ACAD10: variants seen among roughly 807,000 people sequenced by gnomAD.
ACAD10 encodes the protein ACAD-10.
In ACAD10, 112 loss-of-function variants were observed where a neutral mutation model predicts 116.8. The observed-to-expected ratio is 0.96, with a 90% confidence interval of 0.82 to 1.12. The LOEUF is 1.12. Among genes scored for constraint, ACAD10 ranks in the 50% most tolerant of loss-of-function variants. ACAD10 has a pLI of 0.00. For synonymous variants in ACAD10, 486 were observed against 510.6 expected (o/e 0.95, Z 0.65); for missense variants, 1,259 against 1,350.2 (o/e 0.93, Z 1.06).
chr12:111,709,982 C>T (rs1034009052), intron 5 of ACAD10: 16 of 367,200 alleles, frequency 4.4e-5, no homozygotes, highest in Non-Finnish European at 7.5e-5. Context: ...TCCAGTGATG[C>T]TGCCTTAAGT....
Position 111,756,571 on chromosome 12 carries a change from C to T in ACAD10, c.*98C>T. The T allele has an allele frequency of 2.2e-5, 33 of 1,526,186 alleles. No individual in the cohort carries two copies. Among genetic ancestry groups the T allele is most frequent in the Non-Finnish European group, 2.9e-5 (33 of 1,131,168 alleles). 94.5% of individuals were successfully genotyped at this position (1,526,186 alleles called of 1,614,324 possible). ...AAAGATCCGGTGTTTGTGGCTCCTG[C>T]ACCCTGCTCAGCAGCTCTGTCCCGG... On this transcript the variant is annotated 3_prime_UTR_variant, in exon 21 of 21. Transcript: ENST00000313698.
intron 4 of ACAD10, among the ~76,000 whole-genome samples, chr12:111,706,780 A>AT (rs1428071019): frequency 0.13 from 16,201 of 121,558 alleles, 1,029 homozygotes; most frequent in East Asian, 0.4. Flanking sequence ...ATATATATAT[A>AT]TATTTTTTTT....
chr12:111,720,436 T>C (rs1313361378), intron 7 of ACAD10, among the ~76,000 whole-genome samples: 1 of 152,244 alleles, frequency 6.6e-6, no homozygotes, highest in Admixed American at 6.5e-5. Flanking sequence ...TCTTTAATTT[T>C]GATCATTTTT....
chr12:111,742,238 T>A (rs1889764798), intron 12 of ACAD10, among the ~76,000 whole-genome samples: 1 of 152,006 alleles, frequency 6.6e-6, no homozygotes, highest in African/African-American at 2.4e-5. Flanking sequence ...TAGAAGAAAA[T>A]TAAGAATACA....
chr12:111,708,926 G>C (rs1655992134), intron 4 of ACAD10, among the ~76,000 whole-genome samples: 1 of 151,906 alleles, frequency 6.6e-6, no homozygotes, highest in Non-Finnish European at 1.5e-5. Flanking sequence ...AGCATGTCAG[G>C]AACAGTGTCA....
At chr12:111,723,760 G>A (rs1294389961) in intron 8 of ACAD10, among the ~76,000 whole-genome samples, 1 of 151,260 alleles carries the variant, frequency 6.6e-6, no homozygotes, top group Non-Finnish European at 1.5e-5. Context: ...TGGGGTGGCT[G>A]CCGGGCAGAG....
At chr12:111,746,862 A>G (rs7136739) in intron 14 of ACAD10, among the ~76,000 whole-genome samples, 187 bp from the exon 15 acceptor site, 2,389 of 152,232 alleles carry the variant, frequency 0.016, 72 homozygotes, top group African/African-American at 0.054. Flanking sequence ...ATCGGGTGTG[A>G]TGGTGCATAC....
intron 5 of ACAD10, among the ~76,000 whole-genome samples, chr12:111,712,024 C>G (rs1888699433): frequency 1.3e-5 from 2 of 152,178 alleles, no homozygotes; most frequent in South Asian, 2.1e-4. Flanking sequence ...TTGTTTTCCT[C>G]TACCTTTGCC....
At chr12:111,723,171 G>C (rs1325950173) in intron 8 of ACAD10, among the ~76,000 whole-genome samples, 2 of 144,900 alleles carry the variant, frequency 1.4e-5, no homozygotes, top group African/African-American at 5.1e-5. Flanking sequence ...CTCCCGGACG[G>C]GGCGGCTGGC....
rs150842934 is a variant in ACAD10 at position 111,746,031 on chromosome 12, G to A, written c.2116-113G>A. The A allele has an allele frequency of 1.0e-3, 1,408 of 1,385,154 alleles. 11 individuals carry two copies. In the African/African-American group the frequency reaches 0.015, roughly 15 times the overall value. 85.8% of individuals were successfully genotyped at this position (1,385,154 alleles called of 1,614,324 possible). A position where few individuals can be genotyped will look rare whatever the true frequency, so the allele number is the denominator to read the frequency against. On this transcript the variant is annotated intron_variant, in intron 13 of 20. Coordinates refer to ENST00000313698, the MANE Select transcript of ACAD10 (RefSeq NM_025247.6). The stretch of plus-strand genomic sequence containing the variant: ...CCTCATATCATTTTTTTGGGCACAC[G>A]TGCATGTTTGGTTGTCTGCCTTGTT...
At chr12:111,747,596 C>G (rs924792518) in intron 16 of ACAD10, 1 of 1,383,622 alleles carries the variant, frequency 7.2e-7, no homozygotes, top group African/African-American at 1.5e-5. Context: ...AGGGCAGGGA[C>G]GTCCCCCGGT....
chr12:111,695,427 G>A (rs1888166818), intron 2 of ACAD10, among the ~76,000 whole-genome samples: 1 of 152,276 alleles, frequency 6.6e-6, no homozygotes, highest in South Asian at 2.1e-4. Context: ...TGGGCAGAAT[G>A]TTCCTGGATA....
At position 111,749,232 on chromosome 12, in the gene ACAD10, G is replaced by A. The variant is rs1257190282; in HGVS notation, c.2704G>A (p.Gly902Ser). The change falls in exon 18 of 21, where the codon GGC becomes AGC. Residue 902 changes from glycine to serine, a missense_variant. Coordinates refer to ENST00000313698, the MANE Select transcript of ACAD10 (RefSeq NM_025247.6). Reference sequence around the variant, plus strand: ...TGTGCCCAAAGAGAACATGGTCCTGGGCCCTGGCCGAGGCTTTGAGATCGC... The same window carrying A: ...TGTGCCCAAAGAGAACATGGTCCTGAGCCCTGGCCGAGGCTTTGAGATCGC... The part of the protein sequence containing the change: ...VRVPKENMVL[G>S]PGRGFEIAQG... The A allele has an allele frequency of 6.2e-7, 1 of 1,614,076 alleles. No individual in the cohort carries two copies. The highest frequency in any genetic ancestry group is 8.5e-7 in the Non-Finnish European group (1 of 1,180,004).
chr12:111,727,250 A>C (rs1465460663), intron 8 of ACAD10, among the ~76,000 whole-genome samples: 2 of 150,378 alleles, frequency 1.3e-5, no homozygotes, highest in East Asian at 3.9e-4. Flanking sequence ...ATAGGCCGGG[A>C]GCAGTGGCTC....
At chr12:111,722,805 A>G (rs1233266574) in intron 8 of ACAD10, among the ~76,000 whole-genome samples, 1 of 152,156 alleles carries the variant, frequency 6.6e-6, no homozygotes, top group East Asian at 1.9e-4. Flanking sequence ...AGACACGGCA[A>G]CCATCCGATT....
In ACAD10 at chr12:111,688,523, T is replaced by C. The variant is rs1414446897; in HGVS notation, c.-14+2284T>C. Among the ~76,000 whole-genome samples, 3 of 152,176 alleles carry C rather than the reference T, an allele frequency of 2.0e-5. No individual in the cohort carries two copies. The East Asian group carries it at 5.8e-4, about 29-fold the overall frequency. On this transcript the variant is annotated intron_variant, in intron 1 of 20. Coordinates refer to ENST00000313698, the MANE Select transcript of ACAD10 (RefSeq NM_025247.6). Reference sequence around the variant, plus strand: ...CATTTAGAAAAAAAAAGTACTTGACTTGGTGTGGTGGCTCACGCCTGCAAT... The same window carrying C: ...CATTTAGAAAAAAAAAGTACTTGACCTGGTGTGGTGGCTCACGCCTGCAAT...
At chr12:111,749,994 C>T (rs1278825227) in intron 18 of ACAD10, among the ~76,000 whole-genome samples, 1 of 151,304 alleles carries the variant, frequency 6.6e-6, no homozygotes, top group Non-Finnish European at 1.5e-5. Context: ...AGGAAGGTCT[C>T]GATCCCTTGA....
intron 20 of ACAD10, chr12:111,756,079 T>A: frequency 7.5e-7 from 1 of 1,328,468 alleles, no homozygotes; most frequent in Non-Finnish European, 9.9e-7. Context: ...GGCCGCCTCC[T>A]TAGATCCTAA....
chr12:111,712,860 A>G (rs1462827485), intron 6 of ACAD10, among the ~76,000 whole-genome samples: 1 of 152,170 alleles, frequency 6.6e-6, no homozygotes, highest in Non-Finnish European at 1.5e-5. Context: ...TGCATCTCCA[A>G]AAGTGTACCT....
Sources: gnomAD v4.1 joint callset for allele counts (sites outside exome capture counted in the v4.1 genomes callset) on GRCh38, gnomAD v4.1.1 for gene constraint, MANE v1.5 for transcripts, NCBI Gene and HGNC (gene_info 2026-07-23, HGNC 2026-07-21) for gene names.